Variants in PIK3C2G observed in about 807,000 individuals in gnomAD.
PIK3C2G encodes phosphatidylinositol-4-phosphate 3-kinase catalytic subunit type 2 gamma.
A neutral mutation model predicts 181.1 loss-of-function variants in PIK3C2G; 168 were observed. The ratio of observed to expected loss-of-function variants is 0.93; its 90% confidence interval spans 0.82 to 1.05. PIK3C2G has a LOEUF of 1.05. Among genes scored for constraint, PIK3C2G ranks in the 50% least tolerant of loss-of-function variants. PIK3C2G has a pLI of 0.00. For missense variants in PIK3C2G, 1,869 were observed against 1,732.8 expected, an observed-to-expected ratio of 1.08 and a Z score of -1.40; for synonymous variants, 573 against 592.2, an observed-to-expected ratio of 0.97 and a Z score of 0.47.
Position 18,420,970 on chromosome 12 carries a change from C to A in PIK3C2G, c.2345C>A (p.Ala782Glu). ...CCAGATCAAGAAATTCGTAAAGTGGCAGTTCAACAATTAGACAACCTCTTG... is the reference window on the plus strand; with the variant it reads ...CCAGATCAAGAAATTCGTAAAGTGGAAGTTCAACAATTAGACAACCTCTTG... The part of the protein sequence containing the change: ...SFPDQEIRKV[A>E]VQQLDNLLND... Residue 782 changes from alanine to glutamate, a missense_variant, in exon 17 of 33, where the codon GCA becomes GAA. By Grantham distance (107) the Ala-to-Glu change is moderately radical. Coordinates refer to ENST00000538779, the MANE Select transcript of PIK3C2G (RefSeq NM_001288772.2). The A allele has an allele frequency of 3.1e-6, 5 of 1,600,698 alleles. No homozygotes were observed. The highest frequency in any genetic ancestry group is 4.3e-6 in the Non-Finnish European group (5 of 1,168,566).
chr12:18,325,276 A>T (rs1951288260), intron 8 of PIK3C2G, among the ~76,000 whole-genome samples, 178 bp downstream of exon 8: 1 of 152,248 alleles, frequency 6.6e-6, no homozygotes, highest in African/African-American at 2.4e-5. Context: ...TATGCAGTAA[A>T]GTGCTACAGC....
chr12:18,597,626 T>C (rs188898895), intron 30 of PIK3C2G, among the ~76,000 whole-genome samples: 41 of 152,212 alleles, frequency 2.7e-4, no homozygotes, highest in Admixed American at 2.3e-3. Context: ...CTATTCAACA[T>C]AGTGTTGGAA....
chr12:18,618,111 T>G (rs1325827002), intron 31 of PIK3C2G, among the ~76,000 whole-genome samples: 1 of 152,166 alleles, frequency 6.6e-6, no homozygotes, highest in Non-Finnish European at 1.5e-5. Context: ...TCTACTTTTT[T>G]TTTTCTTTTT....
intron 6 of PIK3C2G, among the ~76,000 whole-genome samples, chr12:18,314,287 T>C (rs899063233): frequency 6.6e-6 from 1 of 152,108 alleles, no homozygotes. Flanking sequence ...AATCTTAGTG[T>C]TATGGACTGA....
At chr12:18,673,052 TAGAAG>T in the PIK3C2G span, among the ~76,000 whole-genome samples, 1 of 152,090 alleles carries the variant, frequency 6.6e-6, no homozygotes, top group Non-Finnish European at 1.5e-5. Context: ...AAGTGGTACA[TAGAAG>T]AGAATTAAAA....
chr12:18,614,936 T>A (rs904607796), intron 31 of PIK3C2G, among the ~76,000 whole-genome samples: 2 of 152,078 alleles, frequency 1.3e-5, no homozygotes, highest in Admixed American at 6.6e-5. Context: ...TAATTCCTGA[T>A]CAAAACTTCT....
intron 18 of PIK3C2G, among the ~76,000 whole-genome samples, chr12:18,479,304 T>A (rs1023422268): frequency 6.6e-6 from 1 of 151,956 alleles, no homozygotes; most frequent in Non-Finnish European, 1.5e-5. Flanking sequence ...CTAGATTGCA[T>A]AAGAGTCTCG....
At chr12:18,292,227 A>ATATATATATATATATATAT (rs1555149103) in intron 4 of PIK3C2G, among the ~76,000 whole-genome samples, 3 of 48,724 alleles carry the variant, frequency 6.2e-5, no homozygotes, top group Admixed American at 3.4e-4. Flanking sequence ...AAAAAAAAAA[A>ATATATATATATATATATAT]ATATATATAT....
At chr12:18,540,514 C>A (rs1483299463) in intron 25 of PIK3C2G, among the ~76,000 whole-genome samples, 1 of 151,754 alleles carries the variant, frequency 6.6e-6, no homozygotes, top group East Asian at 1.9e-4. Context: ...TTTCTACATA[C>A]CTTAACAAAG....
At chr12:18,715,156 A>C in the PIK3C2G span, among the ~76,000 whole-genome samples, 98 of 16,686 alleles carry the variant, frequency 5.9e-3, 3 homozygotes, top group African/African-American at 0.013. Context: ...CTAAAATATG[A>C]GAGAAAGGCG....
At chr12:18,574,358 T>C (rs1196222849) in intron 29 of PIK3C2G, among the ~76,000 whole-genome samples, 1 of 152,208 alleles carries the variant, frequency 6.6e-6, no homozygotes, top group African/African-American at 2.4e-5. Context: ...ATTTCTAATA[T>C]TAACGCGACT....
At chr12:18,512,888 G>T (rs1328998377) in intron 24 of PIK3C2G, among the ~76,000 whole-genome samples, 1 of 151,824 alleles carries the variant, frequency 6.6e-6, no homozygotes, top group Non-Finnish European at 1.5e-5. Context: ...TAGAGGAAAA[G>T]CTTTCAACTT....
At chr12:18,561,225 A>G (rs549883187) in intron 26 of PIK3C2G, among the ~76,000 whole-genome samples, 8 of 152,366 alleles carry the variant, frequency 5.3e-5, no homozygotes, top group Admixed American at 4.6e-4. Context: ...GAGAAACTGC[A>G]AAGTGTGTTT....
intron 31 of PIK3C2G, among the ~76,000 whole-genome samples, chr12:18,610,541 G>T (rs1172825482): frequency 6.6e-6 from 1 of 152,118 alleles, no homozygotes; most frequent in Non-Finnish European, 1.5e-5. Context: ...AGGCGTGTTT[G>T]CAAACCTCTG....
the PIK3C2G span, among the ~76,000 whole-genome samples, chr12:18,690,801 G>A: frequency 2.1e-4 from 32 of 152,252 alleles, no homozygotes; most frequent in South Asian, 6.4e-3. Context: ...GCAATTCGTG[G>A]AGGTGAGTCA....
At chr12:18,500,258 C>T (rs1318406360) in intron 22 of PIK3C2G, among the ~76,000 whole-genome samples, 1 of 152,044 alleles carries the variant, frequency 6.6e-6, no homozygotes, top group Non-Finnish European at 1.5e-5. Context: ...CCGGCCCTGC[C>T]GGCCCGGGCA....
intron 14 of PIK3C2G, among the ~76,000 whole-genome samples, chr12:18,382,388 GAAAGGTGGT>G (rs1942900451): frequency 6.6e-6 from 1 of 152,104 alleles, no homozygotes; most frequent in African/African-American, 2.4e-5. Context: ...GATCATAAAA[GAAAGGTGGT>G]AAATGACTTC....
intron 24 of PIK3C2G, among the ~76,000 whole-genome samples, chr12:18,528,634 T>C (rs988848453): frequency 6.6e-6 from 1 of 152,154 alleles, no homozygotes; most frequent in Admixed American, 6.6e-5. Flanking sequence ...AATATCTATG[T>C]TCACAGAGTC....
rs530113518 is a variant in PIK3C2G, at chr12:18,551,038, G to A, written c.3590+4606G>A. ...AGAGCTGATCCTAAGAGTTTCAGGC[G>A]ATGCTGCATACTGTGTGGAATTTAA... On this transcript the variant is annotated intron_variant, in intron 26 of 32. Coordinates refer to ENST00000538779, the MANE Select transcript of PIK3C2G (RefSeq NM_001288772.2). Among the ~76,000 whole-genome samples the A allele has an allele frequency of 3.9e-5, 6 of 152,180 alleles. No homozygotes were observed. In the South Asian group the frequency reaches 6.2e-4, roughly 16 times the overall value.
Sources: allele counts gnomAD v4.1 joint callset (sites outside exome capture counted in the v4.1 genomes callset), GRCh38; gene constraint gnomAD v4.1.1; transcripts MANE v1.5; gene names NCBI Gene and HGNC (gene_info 2026-07-23, HGNC 2026-07-21).